SLC25A53: variants seen among roughly 807,000 people sequenced by gnomAD.
SLC25A53 encodes mitochondrial carrier triple repeat protein 6.
Under a neutral mutation model 15.0 loss-of-function variants are expected in SLC25A53, and 5 were observed. That is an observed-to-expected ratio of 0.33 (90% CI 0.17 to 0.70). SLC25A53 has a LOEUF of 0.70. Ranked by LOEUF, SLC25A53 falls within the 30% of genes least tolerant of loss-of-function variation. The probability of loss-of-function intolerance (pLI) is 0.67; values close to 1 mark genes in which losing one functional copy is unlikely to be tolerated. For synonymous variants in SLC25A53, 95 were observed against 100.0 expected (o/e 0.95, Z 0.30); for missense variants, 216 against 241.6 (o/e 0.89, Z 0.70).
intron 1 of SLC25A53, among the ~76,000 whole-genome samples, chrX:104,108,401 A>T (rs1965651185): frequency 9.0e-6 from 1 of 111,540 alleles, no homozygotes; most frequent in Non-Finnish European, 1.9e-5. Flanking sequence ...TCAAAAAAAG[A>T]TGCTTCTGGA....
chrX:104,148,391 T>C (rs1481966253), intron 1 of SLC25A53, among the ~76,000 whole-genome samples: 2 of 109,372 alleles, frequency 1.8e-5, no homozygotes, highest in East Asian at 5.9e-4. Flanking sequence ...GCATGGCACA[T>C]GTATACATAT....
chrX:104,135,643 T>C (rs782309651), intron 1 of SLC25A53, among the ~76,000 whole-genome samples: 1 of 111,151 alleles, frequency 9.0e-6, no homozygotes, highest in African/African-American at 3.3e-5. Context: ...CCTGCCTGCC[T>C]CCACTCACTG....
intron 1 of SLC25A53, among the ~76,000 whole-genome samples, chrX:104,127,847 C>T (rs1556364757): frequency 9.0e-6 from 1 of 111,076 alleles, no homozygotes; most frequent in African/African-American, 3.3e-5. Context: ...GCCTGTAATC[C>T]CAGCTACTCA....
At chrX:104,107,456 T>C (rs1437504574) in intron 1 of SLC25A53, among the ~76,000 whole-genome samples, 1 of 112,330 alleles carries the variant, frequency 8.9e-6, no homozygotes, top group Non-Finnish European at 1.9e-5. Flanking sequence ...CTCTGGCCCC[T>C]GGAAGCCCCA....
chrX:104,112,801 A>C (rs1270041915), intron 1 of SLC25A53: 1 of 112,415 alleles, frequency 8.9e-6, no homozygotes. Context: ...GTGGAGCACA[A>C]GTAAAGAAAG....
intron 1 of SLC25A53, among the ~76,000 whole-genome samples, chrX:104,129,745 AT>A (rs1252212027): frequency 9.3e-6 from 1 of 107,633 alleles, no homozygotes; most frequent in African/African-American, 3.3e-5. Flanking sequence ...CTTTTTATAT[AT>A]GTATATATAT....
intron 1 of SLC25A53, among the ~76,000 whole-genome samples, chrX:104,127,994 A>G (rs1238660770): frequency 9.0e-6 from 1 of 110,842 alleles, no homozygotes; most frequent in Non-Finnish European, 1.9e-5. Context: ...CAAAAAAAAA[A>G]CTAGTGTGGG....
chrX:104,156,064 A>G (rs1177363029), intron 1 of SLC25A53, among the ~76,000 whole-genome samples: 1 of 106,122 alleles, frequency 9.4e-6, no homozygotes, highest in Non-Finnish European at 1.9e-5. Context: ...TCAAAAAAAA[A>G]AAAAAGAAAG....
Position 104,100,005 on chromosome X carries a change from A to G in SLC25A53, c.*4329T>C, listed in dbSNP as rs1440357468. The G allele has an allele frequency of 8.9e-6, 1 of 111,876 alleles. No individual in the cohort carries two copies. Among genetic ancestry groups the G allele is most frequent in the Admixed American group, 9.5e-5 (1 of 10,565 alleles). 9.2% of individuals were successfully genotyped at this position (111,876 alleles called of 1,213,427 possible). ...AGAGTGAACAGACTAGAGAAATACA[A>G]TATTTTTATCTTTTCTGAAAGCTTT... On this transcript the variant is annotated 3_prime_UTR_variant, in exon 2 of 2. Transcript: ENST00000594199.
At chrX:104,115,310 C>G in intron 1 of SLC25A53, 1 of 1,165,765 alleles carries the variant, frequency 8.6e-7, no homozygotes, top group South Asian at 2.0e-5. Flanking sequence ...AGTGATGCTT[C>G]TGAGCCACAG....
intron 1 of SLC25A53, among the ~76,000 whole-genome samples, chrX:104,153,506 C>A: frequency 9.0e-6 from 1 of 111,514 alleles, no homozygotes; most frequent in Non-Finnish European, 1.9e-5. Context: ...GAACTACCTA[C>A]CAATTCTGAC....
chrX:104,114,101 C>T (rs1556360205), intron 1 of SLC25A53: 3 of 1,211,526 alleles, frequency 2.5e-6, no homozygotes, highest in Non-Finnish European at 3.4e-6. Context: ...GATACCCTAT[C>T]GTCGTCAGTC....
At chrX:104,111,003 T>C (rs144962595) in intron 1 of SLC25A53, among the ~76,000 whole-genome samples, 1 of 112,899 alleles carries the variant, frequency 8.9e-6, no homozygotes, top group East Asian at 2.8e-4. Context: ...CCAGATTCTT[T>C]GCATACAATT....
rs782056752 is a variant in SLC25A53 at position 104,144,425 on chromosome X, C to CA, written c.-32+12452dup. 3.4e-4 allele frequency among the ~76,000 whole-genome samples: 37 copies of CA among 110,131 alleles called. No homozygotes were observed. In the South Asian group the frequency reaches 7.8e-3, roughly 23 times the overall value. On this transcript the variant is annotated intron_variant, in intron 1 of 1. Coordinates refer to ENST00000594199, the MANE Select transcript of SLC25A53 (RefSeq NM_001012755.5). ...GAAGATCTACCAAGCAAATGGAAAGCAAAAAAAAGCAGGGGTTGCAATCCT... is the reference window on the plus strand; with the variant it reads ...GAAGATCTACCAAGCAAATGGAAAGCAAAAAAAAAGCAGGGGTTGCAATCCT...
intron 1 of SLC25A53, among the ~76,000 whole-genome samples, chrX:104,152,064 G>GT (rs112822313): frequency 5.2e-4 from 56 of 107,831 alleles, no homozygotes; most frequent in African/African-American, 1.8e-3. Context: ...TTTCTTTTCT[G>GT]TTTTTTTTGT....
At chrX:104,139,690 T>G (rs908393432) in intron 1 of SLC25A53, among the ~76,000 whole-genome samples, 1 of 111,369 alleles carries the variant, frequency 9.0e-6, no homozygotes, top group Non-Finnish European at 1.9e-5. Flanking sequence ...GGTGTGTGCC[T>G]GTACTCCCAG....
At position 104,104,340 on chromosome X, in the gene SLC25A53, A is replaced by T. The variant is rs1227816054; in HGVS notation, c.918T>A (p.Thr306=). 1 of 1,204,691 alleles carries T rather than the reference A, an allele frequency of 8.3e-7. No individual in the cohort carries two copies. Among genetic ancestry groups the T allele is most frequent in the Non-Finnish European group, 1.1e-6 (1 of 891,756 alleles). The stretch of plus-strand genomic sequence containing the variant: ...CATGCCACACTTTCTGCAGCTAGTC[A>T]GTCTTCAGCTCTTTCCTGGAGTGCG... ...RKSHSRKELK[T]D Residue 306 remains threonine, a synonymous_variant, in exon 2 of 2, where the codon ACT becomes ACA. Coordinates refer to ENST00000594199, the MANE Select transcript of SLC25A53 (RefSeq NM_001012755.5).
At chrX:104,156,440 T>A in intron 1 of SLC25A53, among the ~76,000 whole-genome samples, 1 of 111,281 alleles carries the variant, frequency 9.0e-6, no homozygotes, top group East Asian at 2.8e-4. Flanking sequence ...ACAGAGCAGG[T>A]ACTTGGTATT....
intron 1 of SLC25A53, among the ~76,000 whole-genome samples, chrX:104,121,416 A>C (rs997157838): frequency 2.7e-5 from 3 of 111,422 alleles, no homozygotes; most frequent in Non-Finnish European, 5.7e-5. Context: ...CATGTGAACG[A>C]TTATTTCCTG....
Sources: gnomAD v4.1 joint callset for allele counts (sites outside exome capture counted in the v4.1 genomes callset) on GRCh38, gnomAD v4.1.1 for gene constraint, MANE v1.5 for transcripts, NCBI Gene and HGNC (gene_info 2026-07-23, HGNC 2026-07-21) for gene names.